Variants in DSCAM observed in about 807,000 individuals in gnomAD.
DSCAM encodes the protein cell adhesion molecule DSCAM.
DSCAM carries 47 observed loss-of-function variants against 217.7 expected under a neutral mutation model. That is an observed-to-expected ratio of 0.22 (90% confidence interval 0.17 to 0.28). The LOEUF (loss-of-function observed/expected upper bound fraction) is 0.28, where lower values mean the gene tolerates loss of function less well. DSCAM is among the 10% of genes least tolerant of loss of function. The pLI is 1.00. For missense variants in DSCAM, 2,080 were observed against 2,618.3 expected, an observed-to-expected ratio of 0.79 and a Z score of 4.49; for synonymous variants, 1,056 against 1,015.3, an observed-to-expected ratio of 1.04 and a Z score of -0.76.
At chr21:40,617,979 T>C (rs1258092326) in intron 3 of DSCAM, among the ~76,000 whole-genome samples, 1 of 152,212 alleles carries the variant, frequency 6.6e-6, no homozygotes, top group Non-Finnish European at 1.5e-5. Flanking sequence ...CTTTTGTCAA[T>C]ATGGCTGCCT....
chr21:40,525,830 C>A (rs2076395920), intron 3 of DSCAM, among the ~76,000 whole-genome samples: 1 of 152,174 alleles, frequency 6.6e-6, no homozygotes, highest in African/African-American at 2.4e-5. Context: ...TACTGAAAAC[C>A]CCTGTGGCCT....
intron 3 of DSCAM, among the ~76,000 whole-genome samples, chr21:40,690,945 G>T (rs1310762720): frequency 6.6e-6 from 1 of 152,104 alleles, no homozygotes; most frequent in African/African-American, 2.4e-5. Context: ...GTGGAGGGTG[G>T]GAGAAGGAAG....
At chr21:40,470,121 G>T (rs1013544581) in intron 3 of DSCAM, among the ~76,000 whole-genome samples, 3 of 152,190 alleles carry the variant, frequency 2.0e-5, no homozygotes, top group Non-Finnish European at 4.4e-5. Flanking sequence ...AATGACGTAA[G>T]TCATGTTATA....
chr21:40,402,211 C>T lies in DSCAM; in HGVS notation c.509-32966G>A, dbSNP rs1450994398. ...AGTAGCTGGGACTACAGACTACAGG[C>T]GCCCGCCACCACGCCCGGCTAATTT... On this transcript the variant is annotated intron_variant, in intron 3 of 32. Transcript: ENST00000400454. 4.6e-5 allele frequency among the ~76,000 whole-genome samples: 7 copies of T among 151,212 alleles called. No individual in the cohort carries two copies. In the South Asian group the frequency reaches 8.4e-4, roughly 18 times the overall value.
intron 30 of DSCAM, among the ~76,000 whole-genome samples, chr21:40,048,649 C>T (rs2088880450): frequency 6.6e-6 from 1 of 152,172 alleles, no homozygotes; most frequent in African/African-American, 2.4e-5. Flanking sequence ...AGAATTCTTG[C>T]AATGACAACA....
chr21:40,049,367 G>GC (rs1267265071), intron 30 of DSCAM, among the ~76,000 whole-genome samples: 1 of 152,012 alleles, frequency 6.6e-6, no homozygotes, highest in Non-Finnish European at 1.5e-5. Context: ...TTTCCCTGCT[G>GC]CCCCCTCTGC....
rs140527313 is a variant in DSCAM, at chr21:40,358,615, T to C, written c.656-4872A>G. Among the ~76,000 whole-genome samples the C allele has an allele frequency of 3.5e-3, 536 of 152,168 alleles. 3 individuals carry two copies. The highest frequency in any genetic ancestry group is 0.012 in the African/African-American group (514 of 41,518). The stretch of plus-strand genomic sequence containing the variant: ...TGAGGTGAAGAGTTCAAGACGAGCC[T>C]GGCCAACATGGTGGAACCCCGTCTC... On this transcript the variant is annotated intron_variant, in intron 4 of 32. Coordinates refer to ENST00000400454, the MANE Select transcript of DSCAM (RefSeq NM_001389.5).
intron 3 of DSCAM, among the ~76,000 whole-genome samples, chr21:40,390,667 A>G (rs2075125925): frequency 6.6e-6 from 1 of 152,136 alleles, no homozygotes; most frequent in African/African-American, 2.4e-5. Context: ...GTAGGCCTCA[A>G]TGACCCTGGA....
At chr21:40,042,770 A>G (rs2088777149) in intron 31 of DSCAM, 97 bp from the exon 32 acceptor site, 12 of 1,201,834 alleles carry the variant, frequency 1.0e-5, no homozygotes, top group Admixed American at 2.4e-5. Context: ...TTTCTTCCAG[A>G]TCATGGTGGG....
chr21:40,044,460 G>A (rs2088811058), intron 30 of DSCAM, among the ~76,000 whole-genome samples, 185 bp from the exon 31 acceptor site: 1 of 152,138 alleles, frequency 6.6e-6, no homozygotes, highest in South Asian at 2.1e-4. Flanking sequence ...ACCTTCATCT[G>A]ATACTTACGT....
At chr21:40,638,777 T>C (rs1449060673) in intron 3 of DSCAM, among the ~76,000 whole-genome samples, 1 of 152,206 alleles carries the variant, frequency 6.6e-6, no homozygotes, top group African/African-American at 2.4e-5. Flanking sequence ...CTCCTCGTTA[T>C]TGGCAAACTG....
At chr21:40,345,600 TA>T (rs2074548988) in intron 6 of DSCAM, among the ~76,000 whole-genome samples, 1 of 152,230 alleles carries the variant, frequency 6.6e-6, no homozygotes, top group African/African-American at 2.4e-5. Context: ...TCATAGGAAA[TA>T]TTCTCAGATT....
intron 3 of DSCAM, among the ~76,000 whole-genome samples, chr21:40,645,221 A>G (rs1179310276): frequency 6.6e-6 from 1 of 152,226 alleles, no homozygotes; most frequent in Non-Finnish European, 1.5e-5. Flanking sequence ...CAGCAATTAA[A>G]GAAAATGTTC....
At chr21:40,107,854 T>C (rs1164525570) in intron 20 of DSCAM, among the ~76,000 whole-genome samples, 1 of 152,202 alleles carries the variant, frequency 6.6e-6, no homozygotes, top group East Asian at 1.9e-4. Context: ...CAACCCCTGC[T>C]TTTTTCTGTT....
chr21:40,651,514 G>C (rs980800365), intron 3 of DSCAM, among the ~76,000 whole-genome samples: 4 of 152,068 alleles, frequency 2.6e-5, no homozygotes, highest in Non-Finnish European at 4.4e-5. Flanking sequence ...ATCCCATCTC[G>C]ATTATCTCAT....
At chr21:40,350,328 A>G (rs751275099) in intron 5 of DSCAM, among the ~76,000 whole-genome samples, 64 of 152,332 alleles carry the variant, frequency 4.2e-4, no homozygotes, top group Non-Finnish European at 8.1e-4. Context: ...ACTCAGCAAA[A>G]GAAACTATCA....
chr21:40,357,643 T>C (rs941416957), intron 4 of DSCAM, among the ~76,000 whole-genome samples: 1 of 152,118 alleles, frequency 6.6e-6, no homozygotes, highest in Non-Finnish European at 1.5e-5. Context: ...CTGAACTCTG[T>C]CTTCATTTAA....
intron 1 of DSCAM, among the ~76,000 whole-genome samples, chr21:40,724,341 CAAG>C (rs748437163): frequency 6.6e-6 from 1 of 151,868 alleles, no homozygotes; most frequent in Non-Finnish European, 1.5e-5. Flanking sequence ...AACTGGGGAA[CAAG>C]AATAGAACAA....
rs543735042 is a variant in DSCAM, at chr21:40,363,935, C to T, written c.655+5164G>A. 9.1e-4 allele frequency among the ~76,000 whole-genome samples: 139 copies of T among 152,276 alleles called. 1 individual carries two copies. The highest frequency in any genetic ancestry group is 5.0e-3 in the East Asian group (26 of 5,172). On this transcript the variant is annotated intron_variant, in intron 4 of 32. Transcript: ENST00000400454. ...AAAAGACACATGAAAAAATGCTCAT[C>T]ATCACTGGCCATTAGAGAAATGCAA...
Sources: gnomAD v4.1 joint callset for allele counts (sites outside exome capture counted in the v4.1 genomes callset) on GRCh38, gnomAD v4.1.1 for gene constraint, MANE v1.5 for transcripts, NCBI Gene and HGNC (gene_info 2026-07-23, HGNC 2026-07-21) for gene names.